Variants in DLC1 observed in about 807,000 individuals in gnomAD.
DLC1 encodes rho GTPase-activating protein 7.
DLC1 carries 54 observed loss-of-function variants against 140.3 expected under a neutral mutation model. The ratio of observed to expected loss-of-function variants is 0.38; its 90% CI spans 0.31 to 0.48. The LOEUF (loss-of-function observed/expected upper bound fraction) is 0.48. Among genes scored for constraint, DLC1 ranks in the 20% least tolerant of loss-of-function variants. The pLI, the probability that DLC1 is intolerant of heterozygous loss-of-function variation, is 0.96. For synonymous variants in DLC1, 986 were observed against 728.1 expected (o/e 1.35, Z -5.70); for missense variants, 2,536 against 1,907.0 (o/e 1.33, Z -6.14).
intron 5 of DLC1, among the ~76,000 whole-genome samples, chr8:13,226,177 G>A (rs12676886): frequency 0.34 from 51,277 of 152,022 alleles, 9,912 homozygotes; most frequent in East Asian, 0.82. Context: ...GCCTTCCAAA[G>A]TGCTGGCATA....
intron 2 of DLC1, among the ~76,000 whole-genome samples, chr8:13,436,745 A>G (rs1839137998): frequency 6.6e-6 from 1 of 152,224 alleles, no homozygotes; most frequent in Non-Finnish European, 1.5e-5. Context: ...TGATGCTGTA[A>G]TGATTCATTT....
At chr8:13,358,376 T>C (rs1228180225) in intron 4 of DLC1, among the ~76,000 whole-genome samples, 1 of 152,106 alleles carries the variant, frequency 6.6e-6, no homozygotes, top group Non-Finnish European at 1.5e-5. Flanking sequence ...CTGCCAAGGG[T>C]ATATGCTCTC....
chr8:13,219,596 C>T (rs2117149045), intron 5 of DLC1, among the ~76,000 whole-genome samples: 1 of 151,472 alleles, frequency 6.6e-6, no homozygotes, highest in Non-Finnish European at 1.5e-5. Context: ...CTCAGAAGCC[C>T]ACCTTCTTCA....
At chr8:13,494,559 A>G (rs1801412337) in intron 2 of DLC1, among the ~76,000 whole-genome samples, 2 of 152,236 alleles carry the variant, frequency 1.3e-5, no homozygotes, top group South Asian at 4.1e-4. Flanking sequence ...ATATTAGTTC[A>G]GAACTTCTTA....
intron 5 of DLC1, among the ~76,000 whole-genome samples, chr8:13,224,204 GA>G (rs1828684043): frequency 6.6e-6 from 1 of 152,072 alleles, no homozygotes; most frequent in Non-Finnish European, 1.5e-5. Flanking sequence ...ATTCTTTTGG[GA>G]AAAAAGAATT....
chr8:13,599,524 T>C (rs1805801293), intron 1 of DLC1, among the ~76,000 whole-genome samples: 1 of 151,886 alleles, frequency 6.6e-6, no homozygotes, highest in South Asian at 2.1e-4. Flanking sequence ...TGTAAGTTTA[T>C]TACCAAATCC....
intron 1 of DLC1, among the ~76,000 whole-genome samples, 171 bp from the exon 2 acceptor site, chr8:13,500,367 A>T (rs912814488): frequency 1.3e-5 from 2 of 152,210 alleles, no homozygotes; most frequent in African/African-American, 4.8e-5. Context: ...ACTAGAAGGA[A>T]ATTTAACATT....
intron 1 of DLC1, among the ~76,000 whole-genome samples, chr8:13,553,203 C>CATATATATATATAT (rs1201746846): frequency 1.3e-4 from 9 of 68,026 alleles, no homozygotes; most frequent in South Asian, 5.6e-4. Context: ...TGCCAGCTGT[C>CATATATATATATAT]ATATATATAT....
At chr8:13,534,959 C>T in intron 1 of DLC1, among the ~76,000 whole-genome samples, 1 of 141,768 alleles carries the variant, frequency 7.1e-6, no homozygotes, top group South Asian at 2.2e-4. Context: ...GACTCTCACT[C>T]ACCTTTCTGC....
intron 5 of DLC1, among the ~76,000 whole-genome samples, chr8:13,170,433 T>A (rs550957108): frequency 3.2e-4 from 48 of 152,270 alleles, no homozygotes; most frequent in African/African-American, 1.1e-3. Flanking sequence ...AAAAGCACTT[T>A]GAAAATGTGT....
intron 5 of DLC1, among the ~76,000 whole-genome samples, chr8:13,154,193 C>T (rs1355967957): frequency 6.6e-6 from 1 of 152,248 alleles, no homozygotes; most frequent in Non-Finnish European, 1.5e-5. Context: ...GGATCCCGTG[C>T]CAGGGCCGCA....
In DLC1 at chr8:13,500,902, A is replaced by G. The variant is rs1019011539; in HGVS notation, c.-125-706T>C. On this transcript the variant is annotated intron_variant, in intron 1 of 17. Coordinates refer to ENST00000276297, the MANE Select transcript of DLC1 (RefSeq NM_182643.3). Reference sequence around the variant, plus strand: ...TTGCAAGCTGGTATTTTTGAAGCTTAAGGGAAATTAAATAATTTACTAAAG... The same window carrying G: ...TTGCAAGCTGGTATTTTTGAAGCTTGAGGGAAATTAAATAATTTACTAAAG... Among the ~76,000 whole-genome samples, 10 of 152,166 alleles carry G rather than the reference A, an allele frequency of 6.6e-5. No individual in the cohort carries two copies. The South Asian group carries it at 2.1e-3, about 32-fold the overall frequency.
intron 5 of DLC1, among the ~76,000 whole-genome samples, chr8:13,296,112 C>T (rs1035717193): frequency 5.9e-5 from 9 of 151,604 alleles, no homozygotes; most frequent in Non-Finnish European, 1.0e-4. Flanking sequence ...TGCACCACCA[C>T]GCCCAGCTAA....
chr8:13,182,680 A>G (rs1422029460), intron 5 of DLC1, among the ~76,000 whole-genome samples: 1 of 152,016 alleles, frequency 6.6e-6, no homozygotes, highest in African/African-American at 2.4e-5. Flanking sequence ...ATTGGTCTAT[A>G]TCTCTGTTTT....
chr8:13,536,480 TC>T (rs1369607805), intron 1 of DLC1, among the ~76,000 whole-genome samples: 1 of 152,190 alleles, frequency 6.6e-6, no homozygotes, highest in Non-Finnish European at 1.5e-5. Flanking sequence ...GAAACAAGCT[TC>T]TTCATATTCA....
chr8:13,473,420 C>G (rs1800300301), intron 2 of DLC1, among the ~76,000 whole-genome samples: 1 of 152,130 alleles, frequency 6.6e-6, no homozygotes, highest in Non-Finnish European at 1.5e-5. Flanking sequence ...TTGCCTGATG[C>G]TATCCATCTA....
At chr8:13,165,124 A>G (rs533957201) in intron 5 of DLC1, among the ~76,000 whole-genome samples, 1 of 152,334 alleles carries the variant, frequency 6.6e-6, no homozygotes, top group East Asian at 1.9e-4. Flanking sequence ...AATTTCAGAT[A>G]AATAGCAAGT....
chr8:13,538,771 C>T lies in DLC1; in HGVS notation c.-125-38575G>A, dbSNP rs143095092. 5.7e-4 allele frequency among the ~76,000 whole-genome samples: 87 copies of T among 152,330 alleles called. 1 individual carries two copies. The highest frequency in any genetic ancestry group is 1.9e-3 in the African/African-American group (79 of 41,570). On this transcript the variant is annotated intron_variant, in intron 1 of 1. Coordinates refer to the DLC1 transcript ENST00000631382. ...AAGTGGTAGAAGCAGATTTCAAGCT[C>T]AGACTGCTGACTCCAACTCTTCACT...
chr8:13,102,748 C>G, intron 8 of DLC1, 42 bp downstream of exon 8: 2 of 1,547,224 alleles, frequency 1.3e-6, no homozygotes, highest in South Asian at 1.1e-5. Context: ...TTTTTGTTTG[C>G]CCCTTTTCCC....
Sources: allele counts gnomAD v4.1 joint callset (sites outside exome capture counted in the v4.1 genomes callset), GRCh38; gene constraint gnomAD v4.1.1; transcripts MANE v1.5; gene names NCBI Gene and HGNC (gene_info 2026-07-23, HGNC 2026-07-21).